The following IGF2R variants were observed in gnomAD, a reference collection of about 807,000 sequenced individuals.
IGF2R encodes insulin like growth factor 2 receptor.
Under a neutral mutation model 270.6 loss-of-function variants are expected in IGF2R, and 91 were observed. That is an observed-to-expected ratio of 0.34 (90% CI 0.28 to 0.40). The LOEUF is 0.40. Ranked by LOEUF, IGF2R falls within the 10% of genes least tolerant of loss-of-function variation. IGF2R has a pLI of 1.00. For missense variants in IGF2R, 2,805 were observed against 3,188.3 expected (o/e 0.88, Z 2.90); for synonymous variants, 1,316 against 1,258.9 (o/e 1.05, Z -0.96).
At chr6:160,082,580 G>A (rs2115285579) in intron 39 of IGF2R, among the ~76,000 whole-genome samples, 1 of 152,302 alleles carries the variant, frequency 6.6e-6, no homozygotes, top group South Asian at 2.1e-4. Context: ...AGAGTGCTGG[G>A]ATTACAGGCG....
chr6:160,099,331 TTTATG>T (rs56981943), intron 45 of IGF2R, among the ~76,000 whole-genome samples: 29,413 of 149,012 alleles, frequency 0.2, 3,033 homozygotes, highest in Non-Finnish European at 0.22. Flanking sequence ...TTTCCTCAGC[TTTATG>T]TTATGTTATG....
intron 41 of IGF2R, among the ~76,000 whole-genome samples, chr6:160,086,425 G>A (rs929214731): frequency 1.3e-5 from 2 of 152,160 alleles, no homozygotes; most frequent in African/African-American, 4.8e-5. Flanking sequence ...TGTTGGGGTG[G>A]GAGGTAGACT....
At chr6:159,985,421 C>G (rs1447671467) in intron 1 of IGF2R, among the ~76,000 whole-genome samples, 2 of 152,212 alleles carry the variant, frequency 1.3e-5, no homozygotes, top group African/African-American at 4.8e-5. Context: ...GGCTTCAAAG[C>G]TGAGGAACTT....
At chr6:159,996,324 C>A (rs1364789195) in intron 2 of IGF2R, among the ~76,000 whole-genome samples, 1 of 152,112 alleles carries the variant, frequency 6.6e-6, no homozygotes, top group Non-Finnish European at 1.5e-5. Flanking sequence ...CAGTGGAATC[C>A]GATGGGTGGG....
At chr6:160,019,294 T>C (rs952740875) in intron 4 of IGF2R, among the ~76,000 whole-genome samples, 2 of 151,954 alleles carry the variant, frequency 1.3e-5, no homozygotes, top group Non-Finnish European at 2.9e-5. Flanking sequence ...ATCAGTAATT[T>C]AAGAAAAACA....
At chr6:160,087,975 C>A in intron 41 of IGF2R, 58 bp from the exon 42 acceptor site, 1 of 1,158,990 alleles carries the variant, frequency 8.6e-7, no homozygotes, top group Non-Finnish European at 1.3e-6. Context: ...CTGCGCCTGC[C>A]TGAGGCTTTT....
intron 18 of IGF2R, among the ~76,000 whole-genome samples, chr6:160,049,542 C>T (rs902622589): frequency 3.3e-5 from 5 of 152,184 alleles, no homozygotes; most frequent in African/African-American, 7.2e-5. Context: ...TGAATTCCAA[C>T]TCTGGCATCT....
intron 1 of IGF2R, among the ~76,000 whole-genome samples, chr6:159,983,886 A>G (rs1175382656): frequency 1.3e-5 from 2 of 152,216 alleles, no homozygotes; most frequent in African/African-American, 4.8e-5. Flanking sequence ...TATTATTTCC[A>G]TGGAAACCAG....
chr6:160,093,730 C>T, intron 44 of IGF2R: 2 of 758,336 alleles, frequency 2.6e-6, no homozygotes. Context: ...CTGAACCACT[C>T]AACAGCCGAA....
chr6:159,975,684 T>TTATATATATA (rs34536101), intron 1 of IGF2R, among the ~76,000 whole-genome samples: 5 of 141,742 alleles, frequency 3.5e-5, no homozygotes, highest in East Asian at 2.0e-4. Context: ...TTATATATAT[T>TTATATATATA]TATATATATA....
chr6:160,097,620 A>T (rs1024210544), intron 45 of IGF2R, among the ~76,000 whole-genome samples: 1 of 152,200 alleles, frequency 6.6e-6, no homozygotes, highest in South Asian at 2.1e-4. Context: ...GTGAGCTGCC[A>T]TGCCCGGCCT....
chr6:160,050,398 G>T lies in IGF2R; in HGVS notation c.2515-75G>T. The stretch of plus-strand genomic sequence containing the variant: ...ATTCATTGTTTGCTGCAGCTTTATA[G>T]AATGTAACCACCACCAATAACGAAT... On this transcript the variant is annotated intron_variant, in intron 18 of 47. Transcript: ENST00000356956. This position sits in a 1 kb window ranked among gnomAD's most constrained non-coding sequence, Gnocchi z 4.0. The T allele has an allele frequency of 7.1e-7, 1 of 1,400,094 alleles. No individual in the cohort carries two copies. Among genetic ancestry groups the T allele is most frequent in the African/African-American group, 1.4e-5 (1 of 70,188 alleles). The allele number at this position is 1,400,094 out of a possible 1,614,324, so 86.7% of individuals were successfully genotyped here. A position where few individuals can be genotyped will look rare whatever the true frequency, so the allele number is the denominator to read the frequency against.
Position 160,045,140 on chromosome 6 carries a change from A to G in IGF2R, c.1765+483A>G, listed in dbSNP as rs78716426. ...TGTAGTATTTTGTAAATACTTTTCT[A>G]TGTTTCACAGTTCCATTAATAATTT... On this transcript the variant is annotated intron_variant, in intron 13 of 47. Transcript: ENST00000356956. 8.1e-4 allele frequency among the ~76,000 whole-genome samples: 123 copies of G among 152,304 alleles called. 2 individuals carry two copies. In the South Asian group the frequency reaches 9.7e-3, roughly 12 times the overall value.
chr6:159,993,303 T>C (rs1026061187), intron 2 of IGF2R, among the ~76,000 whole-genome samples: 1 of 152,218 alleles, frequency 6.6e-6, no homozygotes, highest in Non-Finnish European at 1.5e-5. Flanking sequence ...TATGAAATCT[T>C]TGTCTAGGCC....
intron 44 of IGF2R, chr6:160,093,719 C>T (rs1009192488): frequency 1.2e-5 from 9 of 757,996 alleles, no homozygotes; most frequent in Admixed American, 3.4e-5. Context: ...TGTGAATGGA[C>T]CTGAACCACT....
At chr6:160,028,093 C>T (rs1027164358) in intron 6 of IGF2R, among the ~76,000 whole-genome samples, 8 of 152,204 alleles carry the variant, frequency 5.3e-5, no homozygotes, top group Non-Finnish European at 7.3e-5. Context: ...TAAGAAAATA[C>T]GATAGGCTGG....
Position 160,084,341 on chromosome 6 carries a change from C to G in IGF2R, c.6068+157C>G, listed in dbSNP as rs779002002. ...GTTGTGACTGTTCCTGGAAGCAGCC[C>G]GCAGTGTCAATCCTGGCACAGAGGG... On this transcript the variant is annotated intron_variant, in intron 40 of 47. Coordinates refer to ENST00000356956, the MANE Select transcript of IGF2R (RefSeq NM_000876.4). This position sits in a 1 kb window ranked among gnomAD's most constrained non-coding sequence, Gnocchi z 4.6. Among the ~76,000 whole-genome samples, 1 of 152,106 alleles carries G rather than the reference C, an allele frequency of 6.6e-6. No individual in the cohort carries two copies. The highest frequency in any genetic ancestry group is 1.5e-5 in the Non-Finnish European group (1 of 68,034).
rs77985420 is a variant in IGF2R, at chr6:160,047,876, C to T, written c.2314C>T (p.Pro772Ser). The T allele has an allele frequency of 6.6e-5, 106 of 1,613,454 alleles. No individual in the cohort carries two copies. In the African/African-American group the frequency reaches 1.3e-3, roughly 19 times the overall value. ...GCCCCTGGAATGCGTAGTGACCGAC[C>T]CCTCCACGCTGGAGCAGTACGACCT... The part of the protein sequence containing the change: ...EEPLECVVTD[P>S]STLEQYDLSS... The change falls in exon 17 of 48, where the codon CCC becomes TCC. Residue 772 changes from proline (P) to serine (S), a missense_variant. Pro to Ser is a moderately conservative substitution (Grantham distance 74, BLOSUM62 -1). Around this residue, in one of 2 missense-constraint regions of IGF2R, gnomAD observed 954 missense variants for 981.1 expected, o/e 0.97. Coordinates refer to ENST00000356956, the MANE Select transcript of IGF2R (RefSeq NM_000876.4).
intron 1 of IGF2R, among the ~76,000 whole-genome samples, chr6:159,978,336 ATTCGAGGTGTGGAGT>A (rs757998798): frequency 1.3e-5 from 2 of 152,070 alleles, no homozygotes; most frequent in African/African-American, 2.4e-5. Flanking sequence ...GAGCTTGATA[ATTCGAGGTGTGGAGT>A]TTGGATGGGG....
Sources: allele counts gnomAD v4.1 joint callset (sites outside exome capture counted in the v4.1 genomes callset), GRCh38; gene constraint gnomAD v4.1.1; regional missense constraint gnomAD v4.1.1; non-coding constraint Gnocchi (gnomAD v3.1); transcripts MANE v1.5; gene names NCBI Gene and HGNC (gene_info 2026-07-23, HGNC 2026-07-21).